Variants in FRMPD4 observed in about 807,000 individuals in gnomAD.
FRMPD4 encodes FERM and PDZ domain containing 4, also known as FERM and PDZ domain-containing protein 4.
Under a neutral mutation model 94.1 loss-of-function variants are expected in FRMPD4, and 22 were observed. The observed-to-expected ratio is 0.23, with a 90% CI of 0.17 to 0.33. FRMPD4 has a LOEUF of 0.33. Among genes scored for constraint, FRMPD4 ranks in the 10% least tolerant of loss-of-function variants. FRMPD4 has a pLI of 1.00. For synonymous variants in FRMPD4, 631 were observed against 548.6 expected (o/e 1.15, Z -2.10); for missense variants, 1,111 against 1,339.9 (o/e 0.83, Z 2.67).
At chrX:11,888,442 A>C (rs1325490016) in intron 3 of FRMPD4, among the ~76,000 whole-genome samples, 1 of 112,378 alleles carries the variant, frequency 8.9e-6, no homozygotes, top group African/African-American at 3.2e-5. Context: ...CCATAGCAAA[A>C]ATAATTTTAA....
chrX:12,068,413 A>G (rs1300414416), intron 3 of FRMPD4, among the ~76,000 whole-genome samples: 2 of 112,215 alleles, frequency 1.8e-5, no homozygotes, highest in Non-Finnish European at 3.8e-5. Context: ...TTCTCTGATT[A>G]TAATAATAAG....
At chrX:12,258,265 A>G (rs1472713558) in intron 1 of FRMPD4, among the ~76,000 whole-genome samples, 1 of 111,055 alleles carries the variant, frequency 9.0e-6, no homozygotes, top group Non-Finnish European at 1.9e-5. Flanking sequence ...GACCTTTAAG[A>G]GGTGATTAGG....
intron 4 of FRMPD4, among the ~76,000 whole-genome samples, chrX:12,622,006 G>GAAAGAA (rs1569370056): frequency 4.1e-5 from 2 of 49,022 alleles, no homozygotes; most frequent in African/African-American, 2.3e-4. Context: ...AAGAAAGAAA[G>GAAAGAA]AAAGAAAGAA....
intron 3 of FRMPD4, among the ~76,000 whole-genome samples, chrX:12,063,705 C>T (rs1031436212): frequency 1.8e-5 from 2 of 112,134 alleles, no homozygotes; most frequent in East Asian, 2.8e-4. Flanking sequence ...GTGAGCCAAG[C>T]TTGCAGCACT....
chrX:12,470,608 A>G (rs961837626), intron 1 of FRMPD4, among the ~76,000 whole-genome samples: 11 of 112,470 alleles, frequency 9.8e-5, no homozygotes, highest in Non-Finnish European at 1.7e-4. Flanking sequence ...GTGAATGAAC[A>G]TAAACATGCT....
At chrX:12,326,914 A>T (rs1170115794) in intron 1 of FRMPD4, among the ~76,000 whole-genome samples, 2 of 111,122 alleles carry the variant, frequency 1.8e-5, no homozygotes, top group Non-Finnish European at 3.8e-5. Flanking sequence ...GTGAATTACG[A>T]TCGCACCACT....
chrX:11,978,350 G>T (rs2177978), intron 3 of FRMPD4, among the ~76,000 whole-genome samples: 3,833 of 59,820 alleles, frequency 0.064, 240 homozygotes, highest in African/African-American at 0.19. Context: ...AAAAAAAAAA[G>T]TTCCCTGGCT....
chrX:11,904,947 G>A (rs1028901918), intron 3 of FRMPD4, among the ~76,000 whole-genome samples: 3 of 112,391 alleles, frequency 2.7e-5, no homozygotes, highest in African/African-American at 9.7e-5. Context: ...GTATCCACAA[G>A]GGCATTTCCC....
chrX:12,459,724 A>G (rs2057373016), intron 1 of FRMPD4, among the ~76,000 whole-genome samples: 1 of 111,855 alleles, frequency 8.9e-6, no homozygotes, highest in Non-Finnish European at 1.9e-5. Context: ...ATTTTTTTCT[A>G]ATTTTGGTTA....
At chrX:12,707,445 A>G in intron 12 of FRMPD4, 24 bp from the exon 13 acceptor site, 1 of 1,146,706 alleles carries the variant, frequency 8.7e-7, no homozygotes, top group Non-Finnish European at 1.2e-6. Flanking sequence ...CAGTATTTTT[A>G]TGTTGTCAAC....
intron 3 of FRMPD4, among the ~76,000 whole-genome samples, chrX:12,009,799 T>A (rs762250822): frequency 8.9e-6 from 1 of 112,362 alleles, no homozygotes; most frequent in Non-Finnish European, 1.9e-5. Context: ...TGCTTGTATC[T>A]TCTAAAGTGT....
In FRMPD4 at chrX:12,435,484, G is replaced by A. The variant is rs147238093; in HGVS notation, c.42-63196G>A. ...ATGCATCTTAAACACATCTAAGTAG[G>A]TTGTTTTCTGTACATTTTTAGTAGG... On this transcript the variant is annotated intron_variant, in intron 1 of 16. Transcript: ENST00000675598. Among the ~76,000 whole-genome samples the A allele has an allele frequency of 5.4e-3, 602 of 111,511 alleles. 4 individuals carry two copies. The highest frequency in any genetic ancestry group is 8.2e-3 in the Non-Finnish European group (436 of 53,047).
intron 1 of FRMPD4, among the ~76,000 whole-genome samples, chrX:11,849,105 G>A (rs908086784): frequency 3.6e-5 from 4 of 111,778 alleles, no homozygotes; most frequent in Non-Finnish European, 7.5e-5. Context: ...TGGAGTCAGC[G>A]AAGTTGCAGA....
intron 3 of FRMPD4, among the ~76,000 whole-genome samples, chrX:12,065,535 C>T (rs1185433732): frequency 1.8e-5 from 2 of 112,025 alleles, no homozygotes; most frequent in Non-Finnish European, 3.8e-5. Flanking sequence ...TCCTTCCTCC[C>T]TCTCCACTTC....
chrX:12,352,913 G>T (rs2055837209), intron 1 of FRMPD4, among the ~76,000 whole-genome samples: 1 of 111,981 alleles, frequency 8.9e-6, no homozygotes, highest in Non-Finnish European at 1.9e-5. Flanking sequence ...TCAGGAAAGG[G>T]AGCCTGGGTA....
chrX:12,542,380 T>A (rs1479914644), intron 2 of FRMPD4, among the ~76,000 whole-genome samples: 1 of 112,491 alleles, frequency 8.9e-6, no homozygotes, highest in Non-Finnish European at 1.9e-5. Flanking sequence ...GATAAGCAAC[T>A]TCAGCAAAGT....
intron 1 of FRMPD4, among the ~76,000 whole-genome samples, chrX:12,285,475 A>G (rs1443787978): frequency 9.0e-6 from 1 of 111,100 alleles, no homozygotes; most frequent in Non-Finnish European, 1.9e-5. Flanking sequence ...AGTGACTAAG[A>G]GTCAGAAAGG....
At position 12,282,006 on chromosome X, in the gene FRMPD4, G is replaced by A. The variant is rs60664612; in HGVS notation, c.41+142994G>A. 9.1e-3 allele frequency among the ~76,000 whole-genome samples: 1,018 copies of A among 111,694 alleles called. 6 individuals carry two copies. Among genetic ancestry groups the A allele is most frequent in the African/African-American group, 0.032 (977 of 30,673 alleles). ...CTGAAGTTTGATTAATATGCATCTTGTTACCTAGGAAGCAGGTATTAATAG... is the reference window on the plus strand; with the variant it reads ...CTGAAGTTTGATTAATATGCATCTTATTACCTAGGAAGCAGGTATTAATAG... On this transcript the variant is annotated intron_variant, in intron 1 of 16. Transcript: ENST00000675598.
chrX:11,959,331 A>C (rs1424197176), intron 3 of FRMPD4, among the ~76,000 whole-genome samples: 1 of 112,317 alleles, frequency 8.9e-6, no homozygotes, highest in African/African-American at 3.2e-5. Context: ...TATGCTGAGC[A>C]AGGTGGCCAA....
Sources: allele counts gnomAD v4.1 joint callset (sites outside exome capture counted in the v4.1 genomes callset), GRCh38; gene constraint gnomAD v4.1.1; transcripts MANE v1.5; gene names NCBI Gene and HGNC (gene_info 2026-07-23, HGNC 2026-07-21).